EDNRB: variants seen among roughly 807,000 people sequenced by gnomAD.
The protein encoded by EDNRB is endothelin receptor type B.
In EDNRB, 18 loss-of-function variants were observed where a neutral mutation model predicts 46.4. The ratio of observed to expected loss-of-function variants is 0.39; its 90% CI spans 0.27 to 0.57. EDNRB has a LOEUF of 0.57. Among genes scored for constraint, EDNRB ranks in the 20% least tolerant of loss-of-function variants. EDNRB has a pLI of 0.61. For missense variants in EDNRB, 434 were observed against 537.5 expected, an observed-to-expected ratio of 0.81 and a Z score of 1.90; for synonymous variants, 213 against 204.9, an observed-to-expected ratio of 1.04 and a Z score of -0.34.
intron 1 of EDNRB, among the ~76,000 whole-genome samples, chr13:77,950,700 C>A (rs547202637): frequency 2.2e-4 from 33 of 152,174 alleles, no homozygotes; most frequent in Non-Finnish European, 4.3e-4. Context: ...CAAAACAAAT[C>A]AAGTTGAAGT....
At chr13:77,903,656 C>T in intron 1 of EDNRB, 49 bp from the exon 2 acceptor site, 3 of 1,491,204 alleles carry the variant, frequency 2.0e-6, no homozygotes, top group Non-Finnish European at 2.8e-6. Flanking sequence ...ATAAGATGCC[C>T]TCTGAATTGT....
chr13:77,971,378 C>T (rs376357606), intron 1 of EDNRB, among the ~76,000 whole-genome samples: 2 of 152,200 alleles, frequency 1.3e-5, no homozygotes, highest in Non-Finnish European at 2.9e-5. Flanking sequence ...CTTGTGCTAA[C>T]AGGGCCATTG....
chr13:77,921,888 G>A (rs968517066), upstream of EDNRB, among the ~76,000 whole-genome samples: 3 of 152,054 alleles, frequency 2.0e-5, no homozygotes, highest in Admixed American at 6.5e-5. Context: ...CAGATTCTAG[G>A]CCAATATTTT....
intron 1 of EDNRB, among the ~76,000 whole-genome samples, chr13:77,932,734 C>T (rs1048143400): frequency 2.0e-5 from 3 of 152,188 alleles, no homozygotes; most frequent in African/African-American, 7.2e-5. Flanking sequence ...ATAATCAAGA[C>T]CAAAAATACT....
upstream of EDNRB, chr13:77,919,674 C>A: frequency 6.7e-7 from 1 of 1,500,000 alleles, no homozygotes; most frequent in Non-Finnish European, 9.0e-7. Context: ...CCCGCTGCAA[C>A]CTTTCCCCTT....
At chr13:77,946,767 C>T (rs1880932580) in intron 1 of EDNRB, among the ~76,000 whole-genome samples, 1 of 152,242 alleles carries the variant, frequency 6.6e-6, no homozygotes. Flanking sequence ...GGGAAATACA[C>T]TGACGTTATT....
intron 1 of EDNRB, among the ~76,000 whole-genome samples, chr13:77,942,236 T>C (rs947133333): frequency 6.6e-6 from 1 of 152,210 alleles, no homozygotes; most frequent in Non-Finnish European, 1.5e-5. Flanking sequence ...TTTGGTATTA[T>C]ATTATGAAGA....
At chr13:77,958,201 G>A (rs1881295095) in intron 1 of EDNRB, among the ~76,000 whole-genome samples, 1 of 152,146 alleles carries the variant, frequency 6.6e-6, no homozygotes, top group Admixed American at 6.5e-5. Flanking sequence ...TCTGGAAATA[G>A]AGAACAGGCA....
chr13:77,963,020 A>G (rs1261488832), intron 1 of EDNRB, among the ~76,000 whole-genome samples: 1 of 152,202 alleles, frequency 6.6e-6, no homozygotes, highest in Non-Finnish European at 1.5e-5. Flanking sequence ...CCCATTCACA[A>G]TTGCTTCAAG....
chr13:77,903,511 C>T lies in EDNRB; in HGVS notation c.580G>A (p.Ala194Thr). ...AGCTTCTACCTGTCAATACTCAGAG[C>T]ACATAGACTCAGCACAGTGATTCCC... ...SVGITVLSLC[A>T]LSIDRYRAVA... The change falls in exon 2 of 7, where the codon GCT becomes ACT. Residue 194 changes from alanine to threonine, a missense_variant. Coordinates refer to ENST00000646607, the MANE Select transcript of EDNRB (RefSeq NM_001122659.3). The T allele has an allele frequency of 6.2e-7, 1 of 1,612,790 alleles. No homozygotes were observed. Among genetic ancestry groups the T allele is most frequent in the South Asian group, 1.1e-5 (1 of 91,050 alleles).
upstream of EDNRB, among the ~76,000 whole-genome samples, chr13:77,920,426 C>G (rs2137643670): frequency 6.6e-6 from 1 of 152,176 alleles, no homozygotes. Context: ...CAGCAAAATC[C>G]CTACTGGATC....
At chr13:77,900,975 AGTTT>A (rs1298752068) in intron 4 of EDNRB, 79 bp downstream of exon 4, 4 of 1,511,938 alleles carry the variant, frequency 2.6e-6, no homozygotes, top group African/African-American at 2.8e-5. Flanking sequence ...TAATAATGTT[AGTTT>A]ATCATCATCA....
chr13:77,972,441 T>TA (rs919294884), intron 1 of EDNRB, among the ~76,000 whole-genome samples: 10 of 152,186 alleles, frequency 6.6e-5, no homozygotes, highest in African/African-American at 2.2e-4. Context: ...TAGGAAATTA[T>TA]AAAAACCAGT....
At chr13:77,898,422 A>G (rs2137600029) in intron 6 of EDNRB, 88 bp from the exon 7 acceptor site, 3 of 1,585,286 alleles carry the variant, frequency 1.9e-6, no homozygotes, top group South Asian at 1.1e-5. Flanking sequence ...CTTTCTTTGT[A>G]TGATTAGGAG....
intron 1 of EDNRB, among the ~76,000 whole-genome samples, chr13:77,968,581 G>A (rs1238405442): frequency 6.6e-6 from 1 of 152,036 alleles, no homozygotes; most frequent in Non-Finnish European, 1.5e-5. Flanking sequence ...TTGAGTTGAT[G>A]AGTGAGTAAA....
intron 1 of EDNRB, among the ~76,000 whole-genome samples, chr13:77,940,466 T>C (rs1398261873): frequency 6.6e-6 from 1 of 152,160 alleles, no homozygotes; most frequent in East Asian, 1.9e-4. Context: ...TAAAACCCTC[T>C]CATCTTCCTG....
intron 1 of EDNRB, among the ~76,000 whole-genome samples, chr13:77,941,293 T>C (rs1370585715): frequency 6.6e-6 from 1 of 152,156 alleles, no homozygotes; most frequent in Non-Finnish European, 1.5e-5. Flanking sequence ...AAGAAAGTCA[T>C]TGGATAATTT....
At chr13:77,940,894 G>T (rs542321323) in intron 1 of EDNRB, among the ~76,000 whole-genome samples, 1 of 152,196 alleles carries the variant, frequency 6.6e-6, no homozygotes, top group East Asian at 1.9e-4. Context: ...CTCTGTGTGC[G>T]AGTTGAAAGG....
At chr13:77,929,731 A>G (rs1419954233) in intron 1 of EDNRB, among the ~76,000 whole-genome samples, 52 of 152,190 alleles carry the variant, frequency 3.4e-4, no homozygotes, top group Admixed American at 3.1e-3. Context: ...GGGAAAGAGG[A>G]GAGCATGGAC....
Sources: gnomAD v4.1 joint callset for allele counts (sites outside exome capture counted in the v4.1 genomes callset) on GRCh38, gnomAD v4.1.1 for gene constraint, MANE v1.5 for transcripts, NCBI Gene and HGNC (gene_info 2026-07-23, HGNC 2026-07-21) for gene names.